Variants in SMAP1 observed in about 807,000 individuals in gnomAD.
SMAP1 encodes stromal membrane-associated protein 1.
SMAP1 carries 24 observed loss-of-function variants against 58.5 expected under a neutral mutation model. That is an observed-to-expected ratio of 0.41 (90% CI 0.30 to 0.58). The LOEUF is 0.58. Ranked by LOEUF, SMAP1 falls within the 20% of genes least tolerant of loss-of-function variation. SMAP1 has a pLI of 0.29. For synonymous variants in SMAP1, 216 were observed against 196.6 expected (o/e 1.10, Z -0.82); for missense variants, 563 against 566.3 (o/e 0.99, Z 0.06).
chr6:70,771,309 A>C (rs1767295544), intron 3 of SMAP1, among the ~76,000 whole-genome samples: 1 of 152,188 alleles, frequency 6.6e-6, no homozygotes. Flanking sequence ...TTAAGTCTGC[A>C]GAGGTTACTG....
At chr6:70,727,731 A>G (rs1029551904) in intron 1 of SMAP1, among the ~76,000 whole-genome samples, 2 of 152,140 alleles carry the variant, frequency 1.3e-5, no homozygotes, top group East Asian at 1.9e-4. Flanking sequence ...TGCTAAATCT[A>G]TTGTGTGTTC....
intron 6 of SMAP1, among the ~76,000 whole-genome samples, chr6:70,818,818 C>T (rs1376080487): frequency 6.6e-6 from 1 of 152,082 alleles, no homozygotes; most frequent in Non-Finnish European, 1.5e-5. Context: ...AACGTTTCCC[C>T]AATTTAAAAT....
Position 70,677,671 on chromosome 6 carries a change from T to C in SMAP1, c.118+9530T>C, listed in dbSNP as rs530109558. Among the ~76,000 whole-genome samples the C allele has an allele frequency of 8.6e-5, 13 of 151,010 alleles. 1 individual carries two copies. The East Asian group carries it at 2.5e-3, about 29-fold the overall frequency. Reference sequence around the variant, plus strand: ...GTTTACTATTATTATTAAAAAATTATATTATTGAGAGTTTATTTTTTGAGT... The same window carrying C: ...GTTTACTATTATTATTAAAAAATTACATTATTGAGAGTTTATTTTTTGAGT... On this transcript the variant is annotated intron_variant, in intron 1 of 10. Coordinates refer to ENST00000370455, the MANE Select transcript of SMAP1 (RefSeq NM_001044305.3).
At chr6:70,850,138 A>G (rs1356444787) in intron 7 of SMAP1, among the ~76,000 whole-genome samples, 1 of 152,224 alleles carries the variant, frequency 6.6e-6, no homozygotes, top group African/African-American at 2.4e-5. Context: ...GAACAGACTT[A>G]AAATTTCGGA....
chr6:70,749,575 A>AT (rs1766189809), intron 2 of SMAP1, among the ~76,000 whole-genome samples: 3 of 151,764 alleles, frequency 2.0e-5, no homozygotes, highest in African/African-American at 7.3e-5. Context: ...CTGCTTCTCT[A>AT]TTTTTCCCCC....
chr6:70,798,513 TTATTA>T (rs1460497137), intron 5 of SMAP1, 139 bp from the exon 6 acceptor site: 2 of 567,926 alleles, frequency 3.5e-6, no homozygotes, highest in African/African-American at 3.8e-5. Context: ...AATTTACTGT[TTATTA>T]TATTTCAGTA....
At chr6:70,746,940 C>A in intron 2 of SMAP1, among the ~76,000 whole-genome samples, 1 of 152,032 alleles carries the variant, frequency 6.6e-6, no homozygotes, top group African/African-American at 2.4e-5. Context: ...GGGCTTAAGT[C>A]CCCCTATAGA....
intron 1 of SMAP1, chr6:70,694,547 T>A (rs1284499098): frequency 6.5e-6 from 1 of 152,814 alleles, no homozygotes; most frequent in Non-Finnish European, 1.5e-5. Context: ...ATAGTATATA[T>A]GAAGCGACAC....
At chr6:70,770,119 C>G (rs922685553) in intron 3 of SMAP1, among the ~76,000 whole-genome samples, 3 of 151,900 alleles carry the variant, frequency 2.0e-5, no homozygotes, top group Admixed American at 6.5e-5. Context: ...GAGAGGTCAG[C>G]TGTTAGTCTG....
chr6:70,842,651 T>C (rs987152744), intron 7 of SMAP1, among the ~76,000 whole-genome samples: 2 of 152,198 alleles, frequency 1.3e-5, no homozygotes, highest in Non-Finnish European at 2.9e-5. Context: ...TGAAAATGGC[T>C]TAAACATAAG....
chr6:70,674,305 G>A (rs1247785235), intron 1 of SMAP1, among the ~76,000 whole-genome samples: 7 of 151,930 alleles, frequency 4.6e-5, no homozygotes, highest in African/African-American at 1.7e-4. Context: ...TAGAGACCAC[G>A]TTTCGTCATG....
chr6:70,721,511 G>T (rs1441804757), intron 1 of SMAP1, among the ~76,000 whole-genome samples: 2 of 152,120 alleles, frequency 1.3e-5, no homozygotes, highest in East Asian at 3.8e-4. Context: ...ACATTTTCTT[G>T]TCTTCTGAGC....
chr6:70,782,409 A>G (rs1767799562), intron 4 of SMAP1, among the ~76,000 whole-genome samples: 1 of 152,206 alleles, frequency 6.6e-6, no homozygotes, highest in South Asian at 2.1e-4. Flanking sequence ...GGTGCTAAAG[A>G]TGGTGAACCG....
At chr6:70,673,477 G>A (rs1239161293) in intron 1 of SMAP1, among the ~76,000 whole-genome samples, 1 of 152,148 alleles carries the variant, frequency 6.6e-6, no homozygotes, top group Non-Finnish European at 1.5e-5. Flanking sequence ...AAGTAGAAAC[G>A]TGTAGAGCCC....
chr6:70,787,880 A>T (rs1224468009), intron 4 of SMAP1, among the ~76,000 whole-genome samples: 1 of 151,920 alleles, frequency 6.6e-6, no homozygotes, highest in African/African-American at 2.4e-5. Flanking sequence ...ACCATTGTGG[A>T]AGTCAGTGTG....
At chr6:70,754,237 T>C (rs1582117573) in intron 2 of SMAP1, among the ~76,000 whole-genome samples, 2 of 152,102 alleles carry the variant, frequency 1.3e-5, no homozygotes, top group East Asian at 3.8e-4. Flanking sequence ...TATAATAGAA[T>C]ATTAAGGAAG....
At chr6:70,742,135 A>G (rs1165030910) in intron 2 of SMAP1, among the ~76,000 whole-genome samples, 1 of 152,206 alleles carries the variant, frequency 6.6e-6, no homozygotes, top group Non-Finnish European at 1.5e-5. Flanking sequence ...CTTGTTAATT[A>G]ACATTTGACT....
At chr6:70,670,218 C>T (rs1047343628) in intron 1 of SMAP1, among the ~76,000 whole-genome samples, 3 of 152,138 alleles carry the variant, frequency 2.0e-5, no homozygotes, top group African/African-American at 7.2e-5. Context: ...TACAAGGGTG[C>T]AGCTTGAAGG....
At chr6:70,759,783 A>G (rs1766671073) in intron 3 of SMAP1, 1 of 346,730 alleles carries the variant, frequency 2.9e-6, no homozygotes, top group Non-Finnish European at 5.9e-6. Flanking sequence ...TTTTATAGTG[A>G]ATTGATTGGT....
Sources: allele counts gnomAD v4.1 joint callset (sites outside exome capture counted in the v4.1 genomes callset), GRCh38; gene constraint gnomAD v4.1.1; transcripts MANE v1.5; gene names NCBI Gene and HGNC (gene_info 2026-07-23, HGNC 2026-07-21).